The following TAF8 variants were observed in gnomAD, a reference collection of about 807,000 sequenced individuals.
The protein encoded by TAF8 is transcription initiation factor TFIID subunit 8.
A neutral mutation model predicts 36.5 loss-of-function variants in TAF8; 47 were observed. The ratio of observed to expected loss-of-function variants is 1.29; its 90% CI spans 1.02 to 1.64. The LOEUF is 1.64. Ranked by LOEUF, TAF8 falls within the 40% of genes most tolerant of loss-of-function variation. The pLI is 0.00. For synonymous variants in TAF8, 175 were observed against 159.5 expected, an observed-to-expected ratio of 1.10 and a Z score of -0.73; for missense variants, 420 against 407.6, an observed-to-expected ratio of 1.03 and a Z score of -0.26.
chr6:42,080,508 G>A lies in TAF8; in HGVS notation c.*2963G>A. 4 of 451,438 alleles carry A rather than the reference G, an allele frequency of 8.9e-6. No individual in the cohort carries two copies. The highest frequency in any genetic ancestry group is 1.2e-5 in the Non-Finnish European group (4 of 342,162). The allele number at this position is 451,438 out of a possible 1,614,324, so 28.0% of individuals were successfully genotyped here. On this transcript the variant is annotated 3_prime_UTR_variant, in exon 9 of 9. Transcript: ENST00000372977. The stretch of plus-strand genomic sequence containing the variant: ...CTGCCTCAGCCTCCTGAGTAGCTGG[G>A]ATTACAGGCACCTACCACAATTCTC...
intron 5 of TAF8, among the ~76,000 whole-genome samples, chr6:42,059,543 A>G (rs1765119996): frequency 6.6e-6 from 1 of 152,206 alleles, no homozygotes; most frequent in African/African-American, 2.4e-5. Context: ...GATCTTAGGA[A>G]CAGTATAGGG....
intron 5 of TAF8, among the ~76,000 whole-genome samples, chr6:42,062,259 A>G (rs903444039): frequency 3.3e-5 from 5 of 152,174 alleles, no homozygotes; most frequent in African/African-American, 1.2e-4. Flanking sequence ...ATTTTCATAA[A>G]CTTTTTAGAA....
chr6:42,053,668 A>C (rs950984050), intron 2 of TAF8, among the ~76,000 whole-genome samples: 1 of 152,226 alleles, frequency 6.6e-6, no homozygotes, highest in Admixed American at 6.5e-5. Context: ...CAAAAGTCAC[A>C]TAGACTCAGG....
intron 2 of TAF8, among the ~76,000 whole-genome samples, chr6:42,052,324 C>A (rs1173345057): frequency 4.0e-5 from 6 of 151,184 alleles, no homozygotes; most frequent in African/African-American, 1.5e-4. Context: ...AAAGCCCCCC[C>A]CCCCTTTTTT....
At chr6:42,076,121 T>C (rs1765739597) in intron 7 of TAF8, among the ~76,000 whole-genome samples, 1 of 151,122 alleles carries the variant, frequency 6.6e-6, no homozygotes, top group Admixed American at 6.6e-5. Flanking sequence ...GGCAGGAGAA[T>C]CTCTTGAACC....
rs1200427078 is a variant in TAF8, at chr6:42,059,149, C to T, written c.489+1636C>T. ...CTGTAATCCCAGCACTTTGGGAGGC[C>T]GAGGTGGGGGGATCATGAGGTCAGG... On this transcript the variant is annotated intron_variant, in intron 5 of 8. Coordinates refer to ENST00000372977, the MANE Select transcript of TAF8 (RefSeq NM_138572.3). 3.3e-5 allele frequency among the ~76,000 whole-genome samples: 5 copies of T among 151,520 alleles called. 1 individual carries two copies. Among genetic ancestry groups the T allele is most frequent in the South Asian group, 4.2e-4 (2 of 4,772 alleles).
rs1432531232 is a variant in TAF8 at position 42,078,769 on chromosome 6, G to T, written c.*1224G>T. 11 of 985,354 alleles carry T rather than the reference G, an allele frequency of 1.1e-5. No homozygotes were observed. The highest frequency in any genetic ancestry group is 1.1e-5 in the Non-Finnish European group (9 of 829,972). The allele number at this position is 985,354 out of a possible 1,614,324, so 61.0% of individuals were successfully genotyped here. A position where few individuals can be genotyped will look rare whatever the true frequency, so the allele number is the denominator to read the frequency against. On this transcript the variant is annotated 3_prime_UTR_variant, in exon 9 of 9. Coordinates refer to ENST00000372977, the MANE Select transcript of TAF8 (RefSeq NM_138572.3). ...GAAGAAGAGGTTTTCTCTGACAAGAGCCTAGAGCGTCGGCTCTATTATGCT... is the reference window on the plus strand; with the variant it reads ...GAAGAAGAGGTTTTCTCTGACAAGATCCTAGAGCGTCGGCTCTATTATGCT...
At chr6:42,055,747 C>T in intron 3 of TAF8, 118 bp downstream of exon 3, 1 of 861,556 alleles carries the variant, frequency 1.2e-6, no homozygotes. Flanking sequence ...TTGCTTTGAG[C>T]TTGAGAGAGT....
In TAF8 at chr6:42,080,892, C is replaced by A; in HGVS notation, c.*3347C>A. The stretch of plus-strand genomic sequence containing the variant: ...TCTCAATAAAAATTCATAATAAAAA[C>A]TTTGTAAATAAATAGAACTGTAAGC... On this transcript the variant is annotated 3_prime_UTR_variant, in exon 9 of 9. Coordinates refer to ENST00000372977, the MANE Select transcript of TAF8 (RefSeq NM_138572.3). 1.0e-6 allele frequency: 1 copy of A among 981,382 alleles called. No homozygotes were observed. Among genetic ancestry groups the A allele is most frequent in the Non-Finnish European group, 1.2e-6 (1 of 826,378 alleles). The allele number at this position is 981,382 out of a possible 1,614,324, so 60.8% of individuals were successfully genotyped here.
intron 2 of TAF8, among the ~76,000 whole-genome samples, chr6:42,054,907 A>G (rs1211969515): frequency 1.4e-5 from 2 of 146,732 alleles, no homozygotes; most frequent in Admixed American, 6.8e-5. Context: ...ACCTGGCCTT[A>G]GCATAATGTT....
intron 6 of TAF8, among the ~76,000 whole-genome samples, chr6:42,067,053 C>CT (rs1765391000): frequency 6.6e-6 from 1 of 152,162 alleles, no homozygotes; most frequent in Non-Finnish European, 1.5e-5. Context: ...TTGTGAGCCT[C>CT]TGAGTTGGGA....
intron 3 of TAF8, 38 bp downstream of exon 3, chr6:42,055,667 T>G (rs781098698): frequency 1.3e-6 from 2 of 1,487,442 alleles, no homozygotes; most frequent in African/African-American, 2.8e-5. Flanking sequence ...TCGATGCAAC[T>G]GGGAGAGGAG....
rs1765959441 is a variant in TAF8 at position 42,082,749 on chromosome 6, T to C, written c.*5204T>C. ...CCTTTCTTTTTATTGCTGAGTAGCA[T>C]GGAGGCACCATAGTTTAACACAGTT... On this transcript the variant is annotated 3_prime_UTR_variant, in exon 9 of 9. Coordinates refer to ENST00000372977, the MANE Select transcript of TAF8 (RefSeq NM_138572.3). 1 of 152,214 alleles carries C rather than the reference T, an allele frequency of 6.6e-6. No homozygotes were observed. The highest frequency in any genetic ancestry group is 1.5e-5 in the Non-Finnish European group (1 of 68,036). 9.4% of individuals were successfully genotyped at this position (152,214 alleles called of 1,614,324 possible).
intron 1 of TAF8, chr6:42,050,855 T>C (rs1300679942): frequency 8.1e-6 from 9 of 1,117,462 alleles, no homozygotes; most frequent in Non-Finnish European, 9.1e-6. Context: ...GTTTTCGCCT[T>C]CTTATTGGCC....
intron 2 of TAF8, among the ~76,000 whole-genome samples, chr6:42,052,028 G>A (rs1052535273): frequency 1.3e-5 from 2 of 152,202 alleles, no homozygotes; most frequent in Non-Finnish European, 2.9e-5. Context: ...TAGACTTGGT[G>A]TACATCATCA....
downstream of TAF8, among the ~76,000 whole-genome samples, chr6:42,086,474 C>T (rs898418468): frequency 2.0e-5 from 3 of 152,170 alleles, no homozygotes; most frequent in Non-Finnish European, 2.9e-5. Flanking sequence ...CCGGGAGCAC[C>T]GTGGCCACCA....
In TAF8 at chr6:42,050,568, G is replaced by T. The variant is rs1328806904; in HGVS notation, c.27G>T (p.Gly9=). 3.2e-6 allele frequency: 5 copies of T among 1,556,846 alleles called. No individual in the cohort carries two copies. The highest frequency in any genetic ancestry group is 2.4e-5 in the East Asian group (1 of 41,916). The change falls in exon 1 of 9, where the codon GGG becomes GGT. Residue 9 remains glycine, a synonymous_variant. Coordinates refer to ENST00000372977, the MANE Select transcript of TAF8 (RefSeq NM_138572.3). ...TGGCCGACGCGGCGGCCACAGCTGG[G>T]GCCGGTGGCTCCGGAACGGTAAGGG... is the stretch of plus-strand genomic sequence containing the variant. The part of the protein sequence containing the change: MADAAATA[G]AGGSGTRSGS...
chr6:42,068,561 A>G lies in TAF8; in HGVS notation c.734A>G (p.Gln245Arg). The G allele has an allele frequency of 6.2e-7, 1 of 1,614,034 alleles. No individual in the cohort carries two copies. The highest frequency in any genetic ancestry group is 8.5e-7 in the Non-Finnish European group (1 of 1,180,028). ...QQMEETDSSE[Q>R]DEQTDTENLA... ...ATGGAAGAGACAGATTCCTCGGAGC[A>G]GGATGAACAGACAGACACAGAGAAC... Residue 245 changes from glutamine (Q) to arginine (R), a missense_variant, in exon 7 of 9, where the codon CAG becomes CGG. Transcript: ENST00000372977.
chr6:42,053,586 A>C (rs368403664), intron 2 of TAF8, among the ~76,000 whole-genome samples: 1 of 151,698 alleles, frequency 6.6e-6, no homozygotes, highest in African/African-American at 2.4e-5. Flanking sequence ...AAAGAAAAAA[A>C]AAGAAGAAGA....
Sources: gnomAD v4.1 joint callset for allele counts (sites outside exome capture counted in the v4.1 genomes callset) on GRCh38, gnomAD v4.1.1 for gene constraint, MANE v1.5 for transcripts, NCBI Gene and HGNC (gene_info 2026-07-23, HGNC 2026-07-21) for gene names.